XPO1: variants seen among roughly 807,000 people sequenced by gnomAD.
XPO1 encodes the protein exportin-1.
XPO1 carries 5 observed loss-of-function variants against 133.3 expected under a neutral mutation model. That is an observed-to-expected ratio of 0.04 (90% CI 0.02 to 0.08). The LOEUF (loss-of-function observed/expected upper bound fraction) is 0.08, where lower values mean the gene tolerates loss of function less well. XPO1 is among the 10% of genes least tolerant of loss of function. XPO1 has a pLI of 1.00. For synonymous variants in XPO1, 419 were observed against 408.2 expected (o/e 1.03, Z -0.32); for missense variants, 506 against 1,267.5 (o/e 0.40, Z 9.12).
chr2:61,519,285 C>T lies in XPO1; in HGVS notation c.301+3326G>A, dbSNP rs75336933. On this transcript the variant is annotated intron_variant, in intron 4 of 24. Transcript: ENST00000401558. ...CTTTAAAATTTTATTCTCCTGTGAC[C>T]CACTGGTACAGGATACAGTAACGTA... Among the ~76,000 whole-genome samples, 315 of 152,210 alleles carry T rather than the reference C, an allele frequency of 2.1e-3. 1 individual carries two copies. Among genetic ancestry groups the T allele is most frequent in the South Asian group, 4.4e-3 (21 of 4,806 alleles).
chr2:61,486,514 T>C (rs1349831508), intron 19 of XPO1, among the ~76,000 whole-genome samples: 1 of 152,140 alleles, frequency 6.6e-6, no homozygotes, highest in Non-Finnish European at 1.5e-5. Flanking sequence ...TGGAGTGCAG[T>C]GGTGCCATCT....
chr2:61,502,549 T>G (rs1161638273), intron 4 of XPO1: 7 of 372,242 alleles, frequency 1.9e-5, no homozygotes, highest in African/African-American at 1.5e-4. Flanking sequence ...GGCCAGGAAT[T>G]CGAGACCAGC....
intron 17 of XPO1, among the ~76,000 whole-genome samples, chr2:61,489,101 CAA>C (rs35187682): frequency 5.7e-4 from 81 of 141,482 alleles, no homozygotes; most frequent in East Asian, 6.4e-4. Flanking sequence ...GACTCCGTCT[CAA>C]AAAAAAAAAA....
intron 2 of XPO1, 87 bp downstream of exon 2, chr2:61,533,685 T>G: frequency 7.6e-7 from 1 of 1,314,660 alleles, no homozygotes; most frequent in Middle Eastern, 2.1e-4. Flanking sequence ...ATATCTTTTT[T>G]AAAGGTGATA....
rs1573131009 is a variant in XPO1 at position 61,493,225 on chromosome 2, G to C, written c.1246-172C>G. ...GAGGGCCGAGGCAAAAAGAACTGTT[G>C]TGGCCAGGAATTTGAGAGCAGCTTG... On this transcript the variant is annotated intron_variant, in intron 12 of 24. Transcript: ENST00000401558. 26 of 558,206 alleles carry C rather than the reference G, an allele frequency of 4.7e-5. No individual in the cohort carries two copies. The East Asian group carries it at 8.2e-4, about 18-fold the overall frequency. 34.6% of individuals were successfully genotyped at this position (558,206 alleles called of 1,614,324 possible).
Position 61,516,262 on chromosome 2 carries a change from G to A in XPO1, c.301+6349C>T, listed in dbSNP as rs572751306. 2.9e-3 allele frequency among the ~76,000 whole-genome samples: 446 copies of A among 151,304 alleles called. 3 individuals carry two copies. The highest frequency in any genetic ancestry group is 0.01 in the African/African-American group (421 of 41,234). ...GGAGGCTGCAGTGAGTGGAGATTGAGCCACTGCACTCCAGCCTGGGCAACA... is the reference window on the plus strand; with the variant it reads ...GGAGGCTGCAGTGAGTGGAGATTGAACCACTGCACTCCAGCCTGGGCAACA... On this transcript the variant is annotated intron_variant, in intron 4 of 24. Coordinates refer to ENST00000401558, the MANE Select transcript of XPO1 (RefSeq NM_003400.4).
At chr2:61,515,392 G>C (rs537085430) in intron 4 of XPO1, among the ~76,000 whole-genome samples, 9 of 152,278 alleles carry the variant, frequency 5.9e-5, no homozygotes, top group South Asian at 2.1e-4. Context: ...TTGAGACTTT[G>C]TGGTGAAAAA....
chr2:61,482,653 T>A, intron 22 of XPO1, 114 bp from the exon 23 acceptor site: 1 of 1,016,822 alleles, frequency 9.8e-7, no homozygotes, highest in Non-Finnish European at 1.4e-6. Flanking sequence ...TCACCCAAGC[T>A]GGAATGCCGT....
At chr2:61,517,197 A>G (rs1327986517) in intron 4 of XPO1, among the ~76,000 whole-genome samples, 1 of 152,078 alleles carries the variant, frequency 6.6e-6, no homozygotes, top group East Asian at 1.9e-4. Context: ...CACCACACCC[A>G]GCCTAAATGC....
At chr2:61,490,036 G>GCC (rs1290379882) in intron 17 of XPO1, among the ~76,000 whole-genome samples, 1 of 150,396 alleles carries the variant, frequency 6.6e-6, no homozygotes, top group African/African-American at 2.5e-5. Context: ...GATTACAGGC[G>GCC]CCCACCACCA....
intron 4 of XPO1, among the ~76,000 whole-genome samples, chr2:61,516,507 C>A (rs1019200542): frequency 6.6e-6 from 1 of 151,784 alleles, no homozygotes; most frequent in Non-Finnish European, 1.5e-5. Flanking sequence ...CTCTGCCTCC[C>A]GGGTTCAAGC....
chr2:61,514,112 A>C lies in XPO1; in HGVS notation c.301+8499T>G, dbSNP rs147089414. 4.8e-3 allele frequency among the ~76,000 whole-genome samples: 728 copies of C among 151,588 alleles called. 5 individuals carry two copies. Among genetic ancestry groups the C allele is most frequent in the African/African-American group, 0.017 (690 of 41,334 alleles). ...TGAGACAGGAGAATCGCTTGAACCC[A>C]GGAGGCAGAGGTTGCAGTGAGCTGA... On this transcript the variant is annotated intron_variant, in intron 4 of 24. Transcript: ENST00000401558.
Position 61,478,790 on chromosome 2 carries a change from C to T in XPO1, c.*30G>A, listed in dbSNP as rs1301997338. ...GCTGTTTTCCTCTGCTAACGAGTTGCAGAGAAAAAAAACAGCATGAATTTG... is the reference window on the plus strand; with the variant it reads ...GCTGTTTTCCTCTGCTAACGAGTTGTAGAGAAAAAAAACAGCATGAATTTG... On this transcript the variant is annotated 3_prime_UTR_variant, in exon 25 of 25. Coordinates refer to ENST00000401558, the MANE Select transcript of XPO1 (RefSeq NM_003400.4). 1 of 1,607,440 alleles carries T rather than the reference C, an allele frequency of 6.2e-7. No homozygotes were observed. Among genetic ancestry groups the T allele is most frequent in the South Asian group, 1.1e-5 (1 of 89,952 alleles).
chr2:61,483,766 TG>T, intron 21 of XPO1, 170 bp downstream of exon 21: 1 of 675,564 alleles, frequency 1.5e-6, no homozygotes, highest in South Asian at 2.0e-5. Flanking sequence ...TGGACTCACT[TG>T]GAGTGGAGTG....
intron 11 of XPO1, chr2:61,494,794 T>TTATA (rs575130335): frequency 6.8e-6 from 1 of 147,758 alleles, no homozygotes; most frequent in Non-Finnish European, 1.5e-5. Context: ...ATACTTATGT[T>TTATA]TATATATATA....
At chr2:61,507,549 C>A (rs1393464557) in intron 4 of XPO1, among the ~76,000 whole-genome samples, 1 of 151,766 alleles carries the variant, frequency 6.6e-6, no homozygotes, top group African/African-American at 2.4e-5. Flanking sequence ...TCAGCCTGGG[C>A]AACAGAGGGG....
At chr2:61,497,239 CAG>C (rs1459580794) in intron 9 of XPO1, among the ~76,000 whole-genome samples, 1 of 152,222 alleles carries the variant, frequency 6.6e-6, no homozygotes. Flanking sequence ...TTTTTTGAGA[CAG>C]AGTCTCGCTC....
At chr2:61,483,386 G>A (rs978286912) in intron 21 of XPO1, 8 of 289,284 alleles carry the variant, frequency 2.8e-5, no homozygotes, top group African/African-American at 1.8e-4. Context: ...GAGTGGGTGA[G>A]GGATAAGACT....
upstream of XPO1, chr2:61,538,553 A>C (rs112273152): frequency 0.011 from 1,610 of 152,948 alleles, 28 homozygotes; most frequent in African/African-American, 0.037. Context: ...GTCGAAAGGC[A>C]AGAGGAGAGG....
Sources: allele counts gnomAD v4.1 joint callset (sites outside exome capture counted in the v4.1 genomes callset), GRCh38; gene constraint gnomAD v4.1.1; transcripts MANE v1.5; gene names NCBI Gene and HGNC (gene_info 2026-07-23, HGNC 2026-07-21).